Variants in DPP10 observed in about 807,000 individuals in gnomAD.
The protein encoded by DPP10 is dipeptidyl peptidase like 10, also known as inactive dipeptidyl peptidase 10.
DPP10 carries 33 observed loss-of-function variants against 120.9 expected under a neutral mutation model. That is an observed-to-expected ratio of 0.27 (90% confidence interval 0.21 to 0.37). The LOEUF is 0.37. DPP10 is among the 10% of genes least tolerant of loss of function. The pLI is 1.00. For missense variants in DPP10, 816 were observed against 942.8 expected, an observed-to-expected ratio of 0.87 and a Z score of 1.76; for synonymous variants, 337 against 326.1, an observed-to-expected ratio of 1.03 and a Z score of -0.36.
At chr2:114,881,078 T>C (rs1457773506) in intron 1 of DPP10, among the ~76,000 whole-genome samples, 1 of 152,140 alleles carries the variant, frequency 6.6e-6, no homozygotes, top group Non-Finnish European at 1.5e-5. Context: ...CAATCTTACC[T>C]GTATATTTTG....
chr2:115,518,311 A>G (rs1211792967), intron 4 of DPP10, among the ~76,000 whole-genome samples: 1 of 152,160 alleles, frequency 6.6e-6, no homozygotes, highest in East Asian at 1.9e-4. Context: ...GCACAATTAA[A>G]TATCTTTTTT....
chr2:115,481,983 A>C (rs917262329), intron 3 of DPP10, among the ~76,000 whole-genome samples: 3 of 152,072 alleles, frequency 2.0e-5, no homozygotes, highest in African/African-American at 7.2e-5. Flanking sequence ...TTTGTTTCAA[A>C]GTTGGTAAAA....
At chr2:115,663,342 A>T (rs2149416257) in intron 5 of DPP10, among the ~76,000 whole-genome samples, 1 of 152,312 alleles carries the variant, frequency 6.6e-6, no homozygotes, top group African/African-American at 2.4e-5. Context: ...CAATAATTAA[A>T]TGTCACTACT....
At chr2:115,493,770 A>T (rs2076250216) in intron 3 of DPP10, among the ~76,000 whole-genome samples, 1 of 152,178 alleles carries the variant, frequency 6.6e-6, no homozygotes, top group Admixed American at 6.5e-5. Flanking sequence ...ATGATGCTGG[A>T]AGTCTGAAAT....
At chr2:114,974,838 A>G (rs900431725) in intron 1 of DPP10, among the ~76,000 whole-genome samples, 1 of 152,116 alleles carries the variant, frequency 6.6e-6, no homozygotes, top group Non-Finnish European at 1.5e-5. Context: ...TGTTCTCCTC[A>G]TTAAGTGATG....
chr2:115,096,920 A>T (rs532590631), intron 1 of DPP10, among the ~76,000 whole-genome samples: 234 of 152,326 alleles, frequency 1.5e-3, no homozygotes, highest in African/African-American at 5.2e-3. Flanking sequence ...ATAAATCAAT[A>T]AACATCCATT....
chr2:115,434,666 A>G (rs1053985176), intron 3 of DPP10, among the ~76,000 whole-genome samples: 1 of 151,806 alleles, frequency 6.6e-6, no homozygotes, highest in Non-Finnish European at 1.5e-5. Context: ...TCAAGCTTGT[A>G]TCTTTTCTTG....
chr2:115,383,801 CTCTT>C (rs2066628908), intron 3 of DPP10, among the ~76,000 whole-genome samples: 1 of 152,096 alleles, frequency 6.6e-6, no homozygotes, highest in Non-Finnish European at 1.5e-5. Flanking sequence ...AAATAGATTA[CTCTT>C]TCTTTCTTGT....
intron 1 of DPP10, among the ~76,000 whole-genome samples, chr2:114,508,075 C>A (rs1184756881): frequency 5.9e-5 from 9 of 151,504 alleles, no homozygotes; most frequent in African/African-American, 2.2e-4. Context: ...TCCTCCTTTT[C>A]TTTCTCTCTT....
intron 1 of DPP10, among the ~76,000 whole-genome samples, chr2:114,739,594 G>A (rs1430587513): frequency 3.9e-5 from 6 of 152,114 alleles, no homozygotes; most frequent in Non-Finnish European, 8.8e-5. Context: ...GGGAGGTAGA[G>A]GTTGCAGTGA....
intron 1 of DPP10, among the ~76,000 whole-genome samples, chr2:115,276,984 G>A (rs866045754): frequency 2.5e-4 from 38 of 152,176 alleles, no homozygotes; most frequent in Middle Eastern, 3.4e-3. Context: ...AATTATAAAA[G>A]TTGATATTTC....
At chr2:115,562,775 G>A (rs1464081637) in intron 5 of DPP10, among the ~76,000 whole-genome samples, 1 of 152,148 alleles carries the variant, frequency 6.6e-6, no homozygotes, top group Non-Finnish European at 1.5e-5. Context: ...TACTCTGCAT[G>A]ATTATTTTAT....
chr2:114,762,369 T>C (rs764754328), intron 1 of DPP10, among the ~76,000 whole-genome samples: 51 of 152,210 alleles, frequency 3.4e-4, no homozygotes, highest in Non-Finnish European at 2.5e-4. Context: ...TTGCTTGATA[T>C]AATGGTATAA....
At chr2:115,031,300 A>G (rs1200343687) in intron 1 of DPP10, among the ~76,000 whole-genome samples, 2 of 152,182 alleles carry the variant, frequency 1.3e-5, no homozygotes, top group Non-Finnish European at 2.9e-5. Context: ...TGTAGGCAAC[A>G]TTTATGTGGC....
intron 1 of DPP10, among the ~76,000 whole-genome samples, chr2:114,808,692 A>G (rs1558762690): frequency 6.6e-6 from 1 of 152,050 alleles, no homozygotes; most frequent in Non-Finnish European, 1.5e-5. Context: ...ATAAGGCTGC[A>G]GCCTCATGAG....
chr2:115,555,771 T>G (rs1375490269), intron 5 of DPP10, among the ~76,000 whole-genome samples: 1 of 152,128 alleles, frequency 6.6e-6, no homozygotes, highest in Non-Finnish European at 1.5e-5. Flanking sequence ...CCTAAGTACA[T>G]CCTTGACCTT....
intron 1 of DPP10, among the ~76,000 whole-genome samples, chr2:115,007,459 C>G (rs1204444032): frequency 6.6e-6 from 1 of 152,124 alleles, no homozygotes; most frequent in Admixed American, 6.5e-5. Context: ...GACAAACCCA[C>G]AGCCAATATC....
chr2:114,539,950 AATG>A (rs1318041458), intron 1 of DPP10, among the ~76,000 whole-genome samples: 1 of 152,174 alleles, frequency 6.6e-6, no homozygotes, highest in Non-Finnish European at 1.5e-5. Flanking sequence ...CATTGCAGGT[AATG>A]ATAATTCCAA....
In DPP10 at chr2:114,886,558, G is replaced by A. The variant is rs181584089; in HGVS notation, c.61-422681G>A. ...GATCTATGGTATTTGGGGGTGGAAA[G>A]GTTGAACCTTTGTCTAGCATTGATT... On this transcript the variant is annotated intron_variant, in intron 1 of 25. Transcript: ENST00000410059. Among the ~76,000 whole-genome samples the A allele has an allele frequency of 4.6e-3, 696 of 152,314 alleles. 1 individual carries two copies. The highest frequency in any genetic ancestry group is 8.4e-3 in the Non-Finnish European group (569 of 68,028).
Sources: allele counts gnomAD v4.1 joint callset (sites outside exome capture counted in the v4.1 genomes callset), GRCh38; gene constraint gnomAD v4.1.1; transcripts MANE v1.5; gene names NCBI Gene and HGNC (gene_info 2026-07-23, HGNC 2026-07-21).